The following WBP1 variants were observed in gnomAD, a reference collection of about 807,000 sequenced individuals.
WBP1 encodes the protein WW domain binding protein 1.
WBP1 carries 18 observed loss-of-function variants against 25.6 expected under a neutral mutation model. That is an observed-to-expected ratio of 0.70 (90% CI 0.49 to 1.04). WBP1 has a LOEUF of 1.04. Among genes scored for constraint, WBP1 ranks in the 50% least tolerant of loss-of-function variants. The pLI, the probability that WBP1 is intolerant of heterozygous loss-of-function variation, is 0.00. For synonymous variants in WBP1, 122 were observed against 137.7 expected (o/e 0.89, Z 0.80); for missense variants, 330 against 352.9 (o/e 0.94, Z 0.52).
At position 74,459,225 on chromosome 2, in the gene WBP1, C is replaced by T; in HGVS notation, c.70-418C>T. 3.0e-6 allele frequency: 4 copies of T among 1,328,722 alleles called. No individual in the cohort carries two copies. The South Asian group carries it at 5.9e-5, about 19-fold the overall frequency. 82.3% of individuals were successfully genotyped at this position (1,328,722 alleles called of 1,614,324 possible). On this transcript the variant is annotated intron_variant, in intron 1 of 3. Coordinates refer to ENST00000233615, the MANE Select transcript of WBP1 (RefSeq NM_012477.4). ...CGCGCAGGATAATGAAAGCAACTTG[C>T]TTTGGAAATGACCTACCGCTACCCG...
In WBP1 at chr2:74,458,469, T is replaced by C; in HGVS notation, c.-134T>C. ...GGTGGAGTTCTGCCCGGATGGAAGC[T>C]CCGGCCGCGGAGTGATGGTGGCCTC... is the stretch of plus-strand genomic sequence containing the variant. On this transcript the variant is annotated 5_prime_UTR_variant, in exon 1 of 4. Transcript: ENST00000233615. 6.9e-7 allele frequency: 1 copy of C among 1,457,066 alleles called. No homozygotes were observed. Among genetic ancestry groups the C allele is most frequent in the Middle Eastern group, 2.5e-4 (1 of 3,952 alleles). 90.3% of individuals were successfully genotyped at this position (1,457,066 alleles called of 1,614,324 possible).
At position 74,458,489 on chromosome 2, in the gene WBP1, G is replaced by A. The variant is rs1671781345; in HGVS notation, c.-114G>A. On this transcript the variant is annotated 5_prime_UTR_variant, in exon 1 of 4. Transcript: ENST00000233615. ...GAAGCTCCGGCCGCGGAGTGATGGT[G>A]GCCTCAGCGAAGATGGGCCGGGCAG... 2 of 1,476,836 alleles carry A rather than the reference G, an allele frequency of 1.4e-6. No homozygotes were observed. The highest frequency in any genetic ancestry group is 2.4e-5 in the Admixed American group (1 of 41,458). The allele number at this position is 1,476,836 out of a possible 1,614,324, so 91.5% of individuals were successfully genotyped here. A position where few individuals can be genotyped will look rare whatever the true frequency, so the allele number is the denominator to read the frequency against.
chr2:74,459,592 A>C, intron 1 of WBP1, 51 bp from the exon 2 acceptor site: 1 of 1,566,098 alleles, frequency 6.4e-7, no homozygotes. Flanking sequence ...GGGGGTGGAC[A>C]GTGCCCTGGG....
At position 74,459,055 on chromosome 2, in the gene WBP1, G is replaced by A. The variant is rs557753344; in HGVS notation, c.69+384G>A. The stretch of plus-strand genomic sequence containing the variant: ...TGGAGAAGAGCTGGAACCCAGACTC[G>A]CGCCCTGGATGCCATCCTTTATCAT... On this transcript the variant is annotated intron_variant, in intron 1 of 3. Coordinates refer to ENST00000233615, the MANE Select transcript of WBP1 (RefSeq NM_012477.4). 44 of 1,550,160 alleles carry A rather than the reference G, an allele frequency of 2.8e-5. No individual in the cohort carries two copies. The East Asian group carries it at 9.8e-4, about 34-fold the overall frequency.
In WBP1 at chr2:74,460,519, C is replaced by G; in HGVS notation, c.648C>G (p.Leu216=). ...TAACTGGCGACTCCGGTATTGAGCT[C>G]TGCCCTTGTCCTGCCTCCGGTGAGG... The part of the protein sequence containing the change: ...RRLTGDSGIE[L]CPCPASGEGE... The change falls in exon 4 of 4, where the codon CTC becomes CTG. Residue 216 remains leucine (L), a synonymous_variant. Transcript: ENST00000233615. 6.2e-7 allele frequency: 1 copy of G among 1,613,670 alleles called. No homozygotes were observed.
chr2:74,459,083 A>G, intron 1 of WBP1: 1 of 1,548,772 alleles, frequency 6.5e-7, no homozygotes, highest in Non-Finnish European at 8.7e-7. Flanking sequence ...TTTATCATCC[A>G]CAGCAATCCC....
At chr2:74,460,079 C>T (rs1160577172) in intron 3 of WBP1, 30 bp downstream of exon 3, 2 of 1,606,978 alleles carry the variant, frequency 1.2e-6, no homozygotes, top group African/African-American at 2.7e-5. Context: ...GGGTCAGCTA[C>T]CAGTGGCCCT....
In WBP1 at chr2:74,460,223, T is replaced by C. The variant is rs756327007; in HGVS notation, c.352T>C (p.Phe118Leu). The change falls in exon 4 of 4, where the codon TTC (phenylalanine) becomes CTC (leucine). Residue 118 changes from phenylalanine to leucine, a missense_variant and splice_region_variant. Phe to Leu is a conservative substitution (Grantham distance 22). Transcript: ENST00000233615. ...FPTGSLLDLR[F>L]LSTFKPPAYE... The stretch of plus-strand genomic sequence containing the variant: ...CATGCCAATTTTCTCCCCTGCAGGC[T>C]TCCTCAGCACCTTCAAGCCCCCAGC... 5.0e-6 allele frequency: 8 copies of C among 1,606,648 alleles called. No homozygotes were observed. The highest frequency in any genetic ancestry group is 1.3e-5 in the African/African-American group (1 of 74,742).
intron 1 of WBP1, chr2:74,459,152 T>G: frequency 6.5e-7 from 1 of 1,530,774 alleles, no homozygotes; most frequent in South Asian, 1.2e-5. Flanking sequence ...CTAGGGAGCC[T>G]GAGGCCCAGG....
Position 74,460,036 on chromosome 2 carries a change from A to C in WBP1, c.336A>C (p.Ser112=), listed in dbSNP as rs1671849100. 1.2e-6 allele frequency: 2 copies of C among 1,613,284 alleles called. No homozygotes were observed. Among genetic ancestry groups the C allele is most frequent in the South Asian group, 2.2e-5 (2 of 91,078 alleles). Residue 112 remains serine, a synonymous_variant, in exon 3 of 4, where the codon TCA becomes TCC. Transcript: ENST00000233615. The part of the protein sequence containing the change: ...CHGAGPFPTG[S]LLDLRFLSTF... ...GGGCTGGTCCTTTCCCTACCGGTTC[A>C]CTGCTTGACCTTCGTGAGTGACTTG...
At position 74,459,130 on chromosome 2, in the gene WBP1, C is replaced by T. The variant is rs1252684244; in HGVS notation, c.69+459C>T. 15 of 1,540,156 alleles carry T rather than the reference C, an allele frequency of 9.7e-6. No homozygotes were observed. In the East Asian group the frequency reaches 9.8e-5, roughly 10 times the overall value. ...AGCACTGCTCTGGGTCTCACACTGC[C>T]CCTCCTCTATCCTAGGGAGCCTGAG... is the stretch of plus-strand genomic sequence containing the variant. On this transcript the variant is annotated intron_variant, in intron 1 of 3. Coordinates refer to ENST00000233615, the MANE Select transcript of WBP1 (RefSeq NM_012477.4).
At chr2:74,459,202 C>T (rs2270016) in intron 1 of WBP1, 307,200 of 1,464,756 alleles carry the variant, frequency 0.21, 57,254 homozygotes, top group East Asian at 0.83. Context: ...TAGTGAACCG[C>T]GCAGGATAAT....
intron 1 of WBP1, 25 bp downstream of exon 1, chr2:74,458,696 T>A (rs1037249079): frequency 1.3e-6 from 2 of 1,561,524 alleles, no homozygotes; most frequent in Non-Finnish European, 1.7e-6. Flanking sequence ...CCAAAACCTA[T>A]CACGACAGCC....
chr2:74,460,395 G>A lies in WBP1; in HGVS notation c.524G>A (p.Gly175Asp). The A allele has an allele frequency of 6.2e-7, 1 of 1,614,064 alleles. No homozygotes were observed. The highest frequency in any genetic ancestry group is 1.3e-5 in the African/African-American group (1 of 75,018). ...PAHFEGTNVE[G>D]VSSHQSAPPH... ...CACTTTGAAGGAACAAATGTGGAAG[G>A]TGTTTCCTCCCACCAGAGTGCCCCC... The change falls in exon 4 of 4, where the codon GGT becomes GAT. Residue 175 changes from glycine (G) to aspartate (D), a missense_variant. By Grantham distance (94) the Gly-to-Asp change is moderately conservative. Coordinates refer to ENST00000233615, the MANE Select transcript of WBP1 (RefSeq NM_012477.4).
chr2:74,459,955 A>G lies in WBP1; in HGVS notation c.255A>G (p.Gln85=), dbSNP rs138624828. The G allele has an allele frequency of 2.0e-4, 326 of 1,613,902 alleles. No individual in the cohort carries two copies. Among genetic ancestry groups the G allele is most frequent in the Non-Finnish European group, 2.7e-4 (314 of 1,179,896 alleles). ...FRHRRAKLRL[Q]QQQRQREINL... ...ACCGACGAGCTAAACTCAGGCTGCA[A>G]CAACAGCAGCGGCAGCGTGAAATCA... Residue 85 remains glutamine, a synonymous_variant, in exon 3 of 4, where the codon CAA becomes CAG. Coordinates refer to ENST00000233615, the MANE Select transcript of WBP1 (RefSeq NM_012477.4).
chr2:74,459,160 A>G (rs1671809071), intron 1 of WBP1: 1 of 1,522,966 alleles, frequency 6.6e-7, no homozygotes, highest in African/African-American at 1.4e-5. Context: ...CCTGAGGCCC[A>G]GGGGTGGAAA....
In WBP1 at chr2:74,458,609, C is replaced by G. The variant is rs756044718; in HGVS notation, c.7C>G (p.Arg3Gly). 4 of 1,559,416 alleles carry G rather than the reference C, an allele frequency of 2.6e-6. No homozygotes were observed. The highest frequency in any genetic ancestry group is 3.5e-6 in the Non-Finnish European group (4 of 1,150,872). The stretch of plus-strand genomic sequence containing the variant: ...GGGGGCTGTAGGTGGAGGTATGGCT[C>G]GGGCCAGCAGCGGGAACGGCAGCGA... MA[R>G]ASSGNGSEEA... The change falls in exon 1 of 4, where the codon CGG becomes GGG. Residue 3 changes from arginine to glycine, a missense_variant. By Grantham distance (125) the Arg-to-Gly change is moderately radical. Transcript: ENST00000233615.
rs147892944 is a variant in WBP1 at position 74,459,882 on chromosome 2, T to A, written c.182T>A (p.Leu61Gln). The A allele has an allele frequency of 3.1e-6, 5 of 1,613,690 alleles. No homozygotes were observed. The highest frequency in any genetic ancestry group is 4.2e-6 in the Non-Finnish European group (5 of 1,179,696). ...TCCTTGCCTCTTGCAGGGTTCTGGC[T>A]GCTCTGGACTGTCCTCATCCTCTTT... The part of the protein sequence containing the change: ...TYYYELWWFW[L>Q]LWTVLILFSC... Residue 61 changes from leucine to glutamine, a missense_variant, in exon 3 of 4, where the codon CTG becomes CAG. Physicochemically the swap from Leu to Gln is moderately radical, Grantham distance 113 (BLOSUM62 -2). Coordinates refer to ENST00000233615, the MANE Select transcript of WBP1 (RefSeq NM_012477.4).
At chr2:74,459,112 C>T in intron 1 of WBP1, 2 of 1,543,594 alleles carry the variant, frequency 1.3e-6, no homozygotes, top group African/African-American at 1.4e-5. Context: ...GGGAGCACTG[C>T]TCTGGGTCTC....
Sources: allele counts gnomAD v4.1 joint callset, GRCh38; gene constraint gnomAD v4.1.1; transcripts MANE v1.5; gene names NCBI Gene and HGNC (gene_info 2026-07-23, HGNC 2026-07-21).